Variants in DNER observed in about 807,000 individuals in gnomAD.
DNER encodes the protein delta and Notch-like epidermal growth factor-related receptor.
Under a neutral mutation model 78.2 loss-of-function variants are expected in DNER, and 33 were observed. That is an observed-to-expected ratio of 0.42 (90% CI 0.32 to 0.56). The LOEUF is 0.56. Among genes scored for constraint, DNER ranks in the 20% least tolerant of loss-of-function variants. DNER has a pLI of 0.11. For missense variants in DNER, 918 were observed against 975.3 expected (o/e 0.94, Z 0.78); for synonymous variants, 417 against 384.8 (o/e 1.08, Z -0.98).
At chr2:229,490,116 GTTTGCAGGA>G (rs1695367608) in intron 6 of DNER, among the ~76,000 whole-genome samples, 2 of 152,184 alleles carry the variant, frequency 1.3e-5, no homozygotes, top group Non-Finnish European at 2.9e-5. Flanking sequence ...ATTACTGCTT[GTTTGCAGGA>G]CTGGTTTTAA....
intron 4 of DNER, among the ~76,000 whole-genome samples, chr2:229,566,090 T>C (rs1341749777): frequency 1.3e-5 from 2 of 152,118 alleles, no homozygotes; most frequent in African/African-American, 4.8e-5. Flanking sequence ...TGAGGGGCAA[T>C]GGGAGATTCT....
At chr2:229,563,518 T>TCCCATCACCATCATCATCATCATCCTCAC (rs1697013215) in intron 4 of DNER, among the ~76,000 whole-genome samples, 2 of 86,610 alleles carry the variant, frequency 2.3e-5, no homozygotes, top group African/African-American at 1.2e-4. Flanking sequence ...AACATCATCA[T>TCCCATCACCATCATCATCATCATCCTCAC]CCCATCACCA....
At chr2:229,567,420 AC>A (rs1231184776) in intron 4 of DNER, among the ~76,000 whole-genome samples, 8 of 152,222 alleles carry the variant, frequency 5.3e-5, no homozygotes, top group African/African-American at 1.9e-4. Context: ...ACACACAAAT[AC>A]AAGAGGGTAA....
intron 7 of DNER, among the ~76,000 whole-genome samples, chr2:229,458,929 A>G (rs1328292987): frequency 1.3e-5 from 2 of 152,138 alleles, no homozygotes; most frequent in Admixed American, 1.3e-4. Flanking sequence ...CTGTCAGCAT[A>G]CAAAGTCAAT....
At chr2:229,622,469 T>C (rs1485310198) in intron 1 of DNER, among the ~76,000 whole-genome samples, 1 of 152,112 alleles carries the variant, frequency 6.6e-6, no homozygotes, top group Admixed American at 6.6e-5. Flanking sequence ...GCTTGAGTCT[T>C]TTCTGCCCTG....
At chr2:229,411,970 T>G (rs1693532077) in intron 9 of DNER, among the ~76,000 whole-genome samples, 1 of 152,162 alleles carries the variant, frequency 6.6e-6, no homozygotes, top group Non-Finnish European at 1.5e-5. Flanking sequence ...TTCTCTTTTC[T>G]TCTAAATATT....
chr2:229,394,582 G>A (rs1476195756), intron 10 of DNER, among the ~76,000 whole-genome samples: 2 of 152,174 alleles, frequency 1.3e-5, no homozygotes, highest in African/African-American at 4.8e-5. Context: ...GGAGTGGTGT[G>A]GCTCACCTTT....
chr2:229,577,510 C>T (rs55655632), intron 4 of DNER, among the ~76,000 whole-genome samples: 1,773 of 152,216 alleles, frequency 0.012, 53 homozygotes, highest in African/African-American at 0.04. Flanking sequence ...TGGTGGGAGC[C>T]TGTAACCCCA....
intron 1 of DNER, among the ~76,000 whole-genome samples, chr2:229,671,195 G>T (rs1024579601): frequency 4.6e-5 from 7 of 152,194 alleles, no homozygotes; most frequent in Non-Finnish European, 8.8e-5. Context: ...ACCAATAAAT[G>T]ATGAAAACAT....
At chr2:229,628,026 G>C (rs1229907309) in intron 1 of DNER, among the ~76,000 whole-genome samples, 1 of 152,162 alleles carries the variant, frequency 6.6e-6, no homozygotes, top group East Asian at 1.9e-4. Flanking sequence ...TGGCTGCTCT[G>C]ACCAATAGAG....
intron 6 of DNER, among the ~76,000 whole-genome samples, chr2:229,509,177 A>T (rs762991565): frequency 3.9e-4 from 59 of 152,196 alleles, no homozygotes; most frequent in Non-Finnish European, 6.3e-4. Context: ...AAAATCCTTT[A>T]AAAAAAGATG....
chr2:229,515,105 T>C (rs1452072782), intron 5 of DNER, among the ~76,000 whole-genome samples: 1 of 152,248 alleles, frequency 6.6e-6, no homozygotes, highest in Non-Finnish European at 1.5e-5. Flanking sequence ...TTGTGGTAAA[T>C]GGAAATTCCC....
intron 4 of DNER, among the ~76,000 whole-genome samples, chr2:229,567,294 A>G (rs1460139296): frequency 1.3e-5 from 2 of 152,336 alleles, no homozygotes; most frequent in East Asian, 3.9e-4. Flanking sequence ...CCTATGATTC[A>G]TGAGAGCAGA....
At chr2:229,616,989 C>T (rs1698176678) in intron 1 of DNER, among the ~76,000 whole-genome samples, 1 of 152,138 alleles carries the variant, frequency 6.6e-6, no homozygotes, top group South Asian at 2.1e-4. Context: ...TTGGCAGACA[C>T]CAGAGCGCAT....
At chr2:229,555,513 T>C (rs1696839928) in intron 4 of DNER, among the ~76,000 whole-genome samples, 1 of 152,188 alleles carries the variant, frequency 6.6e-6, no homozygotes, top group Non-Finnish European at 1.5e-5. Context: ...CTCTGAGCTC[T>C]ACCATGTCCA....
chr2:229,496,746 A>G (rs1371531298), intron 6 of DNER, among the ~76,000 whole-genome samples: 1 of 152,226 alleles, frequency 6.6e-6, no homozygotes, highest in African/African-American at 2.4e-5. Context: ...CAATTCAATA[A>G]GAGGATATAA....
intron 9 of DNER, among the ~76,000 whole-genome samples, chr2:229,409,320 T>C (rs1002635021): frequency 4.6e-5 from 7 of 152,040 alleles, no homozygotes; most frequent in African/African-American, 1.2e-4. Flanking sequence ...AAAAAGACTT[T>C]TGGTTGTAGT....
chr2:229,409,085 G>A (rs1040497555), intron 9 of DNER, among the ~76,000 whole-genome samples: 3 of 152,146 alleles, frequency 2.0e-5, no homozygotes, highest in Non-Finnish European at 4.4e-5. Context: ...TCAAAATAAT[G>A]TTAAGATTAG....
intron 1 of DNER, among the ~76,000 whole-genome samples, chr2:229,619,552 G>A (rs1698218930): frequency 6.6e-6 from 1 of 152,168 alleles, no homozygotes; most frequent in African/African-American, 2.4e-5. Flanking sequence ...TAGGGCTTCT[G>A]TTCAGTTACT....
Sources: gnomAD v4.1 joint callset for allele counts (sites outside exome capture counted in the v4.1 genomes callset) on GRCh38, gnomAD v4.1.1 for gene constraint, MANE v1.5 for transcripts, NCBI Gene and HGNC (gene_info 2026-07-23, HGNC 2026-07-21) for gene names.